Variants in KIAA1549L observed in about 807,000 individuals in gnomAD.
KIAA1549L encodes the protein KIAA1549 like.
In KIAA1549L, 88 loss-of-function variants were observed where a neutral mutation model predicts 160.7. That is an observed-to-expected ratio of 0.55 (90% CI 0.46 to 0.65). KIAA1549L has a LOEUF of 0.65. Among genes scored for constraint, KIAA1549L ranks in the 30% least tolerant of loss-of-function variants. The pLI, the probability that KIAA1549L is intolerant of heterozygous loss-of-function variation, is 0.00. For missense variants in KIAA1549L, 2,258 were observed against 2,437.5 expected, an observed-to-expected ratio of 0.93 and a Z score of 1.55; for synonymous variants, 950 against 976.7, an observed-to-expected ratio of 0.97 and a Z score of 0.51.
chr11:33,561,798 T>G, intron 8 of KIAA1549L, 63 bp downstream of exon 8: 1 of 1,195,114 alleles, frequency 8.4e-7, no homozygotes, highest in South Asian at 1.2e-5. Context: ...TTTTTTAAAC[T>G]GTAGGCCATT....
chr11:33,635,166 A>G (rs1851406092), intron 16 of KIAA1549L, among the ~76,000 whole-genome samples: 2 of 152,208 alleles, frequency 1.3e-5, no homozygotes, highest in Admixed American at 1.3e-4. Flanking sequence ...TGTGGTTTCC[A>G]GAAGCAACTT....
chr11:33,559,981 A>T, intron 7 of KIAA1549L, 70 bp downstream of exon 7: 2 of 1,417,044 alleles, frequency 1.4e-6, no homozygotes, highest in Non-Finnish European at 1.9e-6. Context: ...GCAAACATTT[A>T]TAGTGCCAGG....
At chr11:33,507,158 C>G (rs562856468) in intron 1 of KIAA1549L, among the ~76,000 whole-genome samples, 1 of 152,166 alleles carries the variant, frequency 6.6e-6, no homozygotes, top group African/African-American at 2.4e-5. Flanking sequence ...CACCAAATCC[C>G]TTGCTGCTAA....
chr11:33,576,356 G>T (rs1855447120), intron 10 of KIAA1549L, among the ~76,000 whole-genome samples: 1 of 152,172 alleles, frequency 6.6e-6, no homozygotes, highest in South Asian at 2.1e-4. Context: ...TAGGAATGAC[G>T]ATGGTCACTC....
At chr11:33,403,395 A>ACACAGAC (rs1850572766) in intron 1 of KIAA1549L, 1 of 151,680 alleles carries the variant, frequency 6.6e-6, no homozygotes, top group African/African-American at 2.5e-5. Context: ...AGGGACACAC[A>ACACAGAC]TGGACATGGA....
intron 1 of KIAA1549L, among the ~76,000 whole-genome samples, chr11:33,522,643 C>A (rs941061072): frequency 1.3e-5 from 2 of 152,228 alleles, no homozygotes; most frequent in Middle Eastern, 3.4e-3. Context: ...TGCCTGTAAT[C>A]CCAGCACTTT....
chr11:33,577,752 G>T (rs913857395), intron 10 of KIAA1549L, among the ~76,000 whole-genome samples: 1 of 152,102 alleles, frequency 6.6e-6, no homozygotes, highest in East Asian at 1.9e-4. Context: ...ACAGGGCTCC[G>T]CTTCTCCTTA....
chr11:33,422,195 C>CT (rs1283319720), intron 1 of KIAA1549L, among the ~76,000 whole-genome samples: 1 of 152,124 alleles, frequency 6.6e-6, no homozygotes, highest in Non-Finnish European at 1.5e-5. Context: ...AGGATCCACA[C>CT]TTTCGATCTC....
chr11:33,662,441 A>G (rs1270313712), intron 20 of KIAA1549L, among the ~76,000 whole-genome samples: 1 of 152,152 alleles, frequency 6.6e-6, no homozygotes, highest in Non-Finnish European at 1.5e-5. Flanking sequence ...TGTGAATCTG[A>G]ATGTGGGACT....
chr11:33,662,646 A>G (rs1026532645), intron 20 of KIAA1549L, among the ~76,000 whole-genome samples: 1 of 152,172 alleles, frequency 6.6e-6, no homozygotes, highest in Admixed American at 6.5e-5. Flanking sequence ...TTAGGCAGTA[A>G]TTCCCTTACG....
Position 33,469,391 on chromosome 11 carries a change from G to C in KIAA1549L, c.239-72411G>C, listed in dbSNP as rs376033351. Reference sequence around the variant, plus strand: ...ACTCCTTTTTATTGCTGAATACTATGAATATAATGTGTCATCTTGTTTATT... The same window carrying C: ...ACTCCTTTTTATTGCTGAATACTATCAATATAATGTGTCATCTTGTTTATT... On this transcript the variant is annotated intron_variant, in intron 1 of 20. Coordinates refer to ENST00000658780, the MANE Select transcript of KIAA1549L (RefSeq NM_012194.3). Among the ~76,000 whole-genome samples the C allele has an allele frequency of 2.0e-5, 3 of 151,970 alleles. No individual in the cohort carries two copies. The South Asian group carries it at 6.2e-4, about 32-fold the overall frequency.
At chr11:33,517,295 T>C (rs1409109908) in intron 1 of KIAA1549L, among the ~76,000 whole-genome samples, 4 of 152,204 alleles carry the variant, frequency 2.6e-5, no homozygotes, top group African/African-American at 9.7e-5. Context: ...TAGTTAACAA[T>C]GGCAGCCACC....
intron 1 of KIAA1549L, among the ~76,000 whole-genome samples, chr11:33,387,222 A>G (rs1027676476): frequency 1.3e-5 from 2 of 152,198 alleles, no homozygotes; most frequent in Non-Finnish European, 2.9e-5. Flanking sequence ...CTTACAGATG[A>G]TATTGAAGAT....
intron 1 of KIAA1549L, among the ~76,000 whole-genome samples, chr11:33,435,975 A>G (rs1270964261): frequency 6.8e-6 from 1 of 147,570 alleles, no homozygotes; most frequent in East Asian, 2.0e-4. Flanking sequence ...AAAAAAAAAA[A>G]AGTACAACAA....
intron 1 of KIAA1549L, among the ~76,000 whole-genome samples, chr11:33,487,427 T>G (rs11604646): frequency 7.0e-6 from 1 of 142,212 alleles, no homozygotes; most frequent in African/African-American, 2.7e-5. Flanking sequence ...TTTTTTTTGG[T>G]CTATTCTTGT....
intron 1 of KIAA1549L, among the ~76,000 whole-genome samples, chr11:33,448,903 C>T (rs902338917): frequency 1.3e-5 from 2 of 152,164 alleles, no homozygotes; most frequent in African/African-American, 4.8e-5. Flanking sequence ...TGGCTGGTCC[C>T]CATCGTTTCC....
intron 1 of KIAA1549L, among the ~76,000 whole-genome samples, chr11:33,477,599 G>T (rs1336952627): frequency 1.3e-5 from 2 of 150,924 alleles, no homozygotes; most frequent in African/African-American, 4.9e-5. Flanking sequence ...CACTTTTCCA[G>T]CCTTGTTAAG....
At chr11:33,419,004 C>G (rs1277513653) in intron 1 of KIAA1549L, among the ~76,000 whole-genome samples, 1 of 151,684 alleles carries the variant, frequency 6.6e-6, no homozygotes, top group Non-Finnish European at 1.5e-5. Flanking sequence ...CCCTGAGTAG[C>G]TGGGACCACA....
At chr11:33,496,378 C>G (rs1044652263) in intron 1 of KIAA1549L, among the ~76,000 whole-genome samples, 1 of 152,252 alleles carries the variant, frequency 6.6e-6, no homozygotes, top group South Asian at 2.1e-4. Flanking sequence ...TTTCTGGGTG[C>G]GAAGTCACTG....
Sources: allele counts gnomAD v4.1 joint callset (sites outside exome capture counted in the v4.1 genomes callset), GRCh38; gene constraint gnomAD v4.1.1; transcripts MANE v1.5; gene names NCBI Gene and HGNC (gene_info 2026-07-23, HGNC 2026-07-21).